The following MROH2A variants were observed in gnomAD, a reference collection of about 807,000 sequenced individuals.
MROH2A encodes maestro heat-like repeat-containing protein family member 2A.
In MROH2A, 174 loss-of-function variants were observed where a neutral mutation model predicts 200.4. The observed-to-expected ratio is 0.87, with a 90% CI of 0.77 to 0.98. MROH2A has a LOEUF of 0.98. MROH2A is among the 50% of genes least tolerant of loss of function. The probability of loss-of-function intolerance (pLI) is 0.00; values close to 1 mark genes in which losing one functional copy is unlikely to be tolerated. For synonymous variants in MROH2A, 829 were observed against 840.4 expected, an observed-to-expected ratio of 0.99 and a Z score of 0.23; for missense variants, 2,045 against 2,139.6, an observed-to-expected ratio of 0.96 and a Z score of 0.87.
chr2:233,804,964 G>T, intron 18 of MROH2A, 40 bp from the exon 19 acceptor site: 1 of 1,237,754 alleles, frequency 8.1e-7, no homozygotes, highest in Non-Finnish European at 1.2e-6. Flanking sequence ...CAAGGATGAA[G>T]GCCTTTGGCC....
In MROH2A at chr2:233,793,767, G is replaced by GA. The variant is rs1262658163; in HGVS notation, c.765_766insA (p.Val256SerfsTer40). The GA allele has an allele frequency of 2.7e-6, 4 of 1,494,992 alleles. No homozygotes were observed. The highest frequency in any genetic ancestry group is 3.6e-6 in the Non-Finnish European group (4 of 1,119,766). 92.6% of individuals were successfully genotyped at this position (1,494,992 alleles called of 1,614,324 possible). ...TGACTGAGGAGGAGTTTGCCCTGAA[G>GA]GTGTTCCCCATGTATCGCTACTTCG... On this transcript the variant is annotated frameshift_variant, in exon 7 of 42. Coordinates refer to ENST00000389758, the MANE Select transcript of MROH2A (RefSeq NM_001394639.1). LOFTEE classifies it high-confidence loss of function.
chr2:233,778,767 G>T (rs1354302968), intron 1 of MROH2A, among the ~76,000 whole-genome samples: 1 of 152,148 alleles, frequency 6.6e-6, no homozygotes, highest in Non-Finnish European at 1.5e-5. Context: ...GGGCGAGAGG[G>T]CTCTATTAAA....
At chr2:233,779,232 G>T (rs1700812039) in intron 1 of MROH2A, 113 bp from the exon 2 acceptor site, 3 of 669,710 alleles carry the variant, frequency 4.5e-6, no homozygotes, top group South Asian at 1.8e-5. Flanking sequence ...GAAGTCACAG[G>T]TTCCACCCAC....
chr2:233,807,560 C>T lies in MROH2A; in HGVS notation c.2172+18C>T. 1 of 1,549,956 alleles carries T rather than the reference C, an allele frequency of 6.5e-7. No individual in the cohort carries two copies. Among genetic ancestry groups the T allele is most frequent in the Non-Finnish European group, 8.7e-7 (1 of 1,146,752 alleles). On this transcript the variant is annotated intron_variant, in intron 20 of 41. Transcript: ENST00000389758. This position sits in a 1 kb window ranked among gnomAD's most constrained non-coding sequence, Gnocchi z 4.3. ...ACAGCGAGGTGAGGGTGCCTGCAGC[C>T]TCCTCCTGTCCACCAGATGCCTCTG... is the stretch of plus-strand genomic sequence containing the variant.
intron 11 of MROH2A, among the ~76,000 whole-genome samples, chr2:233,797,186 T>C (rs189172973): frequency 2.0e-3 from 306 of 152,338 alleles, no homozygotes; most frequent in Non-Finnish European, 2.4e-3. Context: ...TGCTTATTGC[T>C]AGTCTAGGGT....
At chr2:233,795,569 A>C (rs1292447961) in intron 8 of MROH2A, 84 bp from the exon 9 acceptor site, 3 of 1,544,932 alleles carry the variant, frequency 1.9e-6, no homozygotes, top group Non-Finnish European at 2.6e-6. Context: ...TCAGTGGGTC[A>C]GTGGGCCCCT....
chr2:233,823,480 G>A, intron 34 of MROH2A, 76 bp from the exon 35 acceptor site: 1 of 1,498,712 alleles, frequency 6.7e-7, no homozygotes, highest in Non-Finnish European at 9.0e-7. Context: ...CACCGATGTG[G>A]CCCTGCCCAG....
chr2:233,784,299 G>C lies in MROH2A; in HGVS notation c.276+4447G>C, dbSNP rs28899480. The stretch of plus-strand genomic sequence containing the variant: ...CCTTCTTAATTTCTTTATTGAACCA[G>C]TGGTCATCCAGCAATATATTACATA... On this transcript the variant is annotated intron_variant, in intron 3 of 41. Transcript: ENST00000389758. 4.9e-3 allele frequency among the ~76,000 whole-genome samples: 738 copies of C among 152,094 alleles called. 5 individuals are homozygous for C. The highest frequency in any genetic ancestry group is 0.017 in the African/African-American group (699 of 41,456).
chr2:233,829,858 T>G (rs1289726927), intron 38 of MROH2A, 83 bp downstream of exon 38: 1 of 1,216,636 alleles, frequency 8.2e-7, no homozygotes, highest in Non-Finnish European at 1.0e-6. Flanking sequence ...GCTGGCTCGG[T>G]GAGCTGCAAG....
intron 26 of MROH2A, among the ~76,000 whole-genome samples, chr2:233,815,774 C>G (rs1009216416): frequency 7.6e-6 from 1 of 132,260 alleles, no homozygotes; most frequent in Non-Finnish European, 1.8e-5. Flanking sequence ...CAATACTGCA[C>G]TGTCTCGATT....
upstream of MROH2A, among the ~76,000 whole-genome samples, chr2:233,778,044 C>T (rs1449466647): frequency 1.3e-5 from 2 of 152,222 alleles, no homozygotes; most frequent in African/African-American, 4.8e-5. Flanking sequence ...CACACCTCCC[C>T]ACCCAGGGCT....
chr2:233,827,360 G>A (rs1352069237), intron 35 of MROH2A, among the ~76,000 whole-genome samples: 1 of 152,134 alleles, frequency 6.6e-6, no homozygotes, highest in African/African-American at 2.4e-5. Context: ...AGAAAATGAG[G>A]TACATATACA....
At chr2:233,829,565 G>A (rs1704570588) in intron 37 of MROH2A, 55 bp from the exon 38 acceptor site, 3 of 1,354,324 alleles carry the variant, frequency 2.2e-6, no homozygotes, top group African/African-American at 1.5e-5. Flanking sequence ...AATGGCTGGG[G>A]TTTTGCTGGG....
intron 26 of MROH2A, among the ~76,000 whole-genome samples, chr2:233,815,191 A>C (rs954676768): frequency 1.3e-5 from 2 of 152,194 alleles, no homozygotes; most frequent in African/African-American, 4.8e-5. Flanking sequence ...ACAGCTTCAC[A>C]GTCCTTCTTT....
chr2:233,808,234 A>G (rs1170942926), intron 21 of MROH2A, among the ~76,000 whole-genome samples: 1 of 151,968 alleles, frequency 6.6e-6, no homozygotes, highest in East Asian at 1.9e-4. Flanking sequence ...TGGGTGCTTG[A>G]CACTAGGAGC....
chr2:233,819,544 G>A (rs561222190), intron 30 of MROH2A, 75 bp downstream of exon 30: 41 of 1,438,868 alleles, frequency 2.8e-5, no homozygotes, highest in Non-Finnish European at 3.6e-5. Flanking sequence ...AGGGAAGGAC[G>A]AGGGCCTCAC....
rs568413093 is a variant in MROH2A at position 233,793,497 on chromosome 2, C to A, written c.671-176C>A. Among the ~76,000 whole-genome samples the A allele has an allele frequency of 2.6e-5, 4 of 152,296 alleles. No individual in the cohort carries two copies. In the South Asian group the frequency reaches 6.2e-4, roughly 24 times the overall value. ...GACACCCCCGAGTGCTCAGTTCTCA[C>A]ACACACAGGCACGCAGAGTAAAAAT... On this transcript the variant is annotated intron_variant, in intron 6 of 41. Coordinates refer to ENST00000389758, the MANE Select transcript of MROH2A (RefSeq NM_001394639.1).
intron 14 of MROH2A, 72 bp from the exon 15 acceptor site, chr2:233,802,096 C>G: frequency 6.9e-7 from 1 of 1,457,692 alleles, no homozygotes; most frequent in Non-Finnish European, 9.2e-7. Context: ...CATGGCAGAG[C>G]CTGACTGTTC....
rs116198011 is a variant in MROH2A at position 233,804,180 on chromosome 2, C to T, written c.1879C>T (p.Arg627Trp). ...MWELEIALLV[R>W]YLEEHTEFTW... is the part of the protein sequence containing the mutation. ...GGAGCTGGAGATTGCGCTACTGGTC[C>T]GGTACCTGGAAGGTGAGGTTCCTGG... The change falls in exon 17 of 42, where the codon CGG becomes TGG. Residue 627 changes from arginine (R) to tryptophan (W), a missense_variant. Physicochemically the swap from Arg to Trp is moderately radical, Grantham distance 101. Transcript: ENST00000389758. 192 of 1,550,526 alleles carry T rather than the reference C, an allele frequency of 1.2e-4. 1 individual carries two copies. In the African/African-American group the frequency reaches 1.4e-3, roughly 11 times the overall value.
Sources: gnomAD v4.1 joint callset for allele counts (sites outside exome capture counted in the v4.1 genomes callset) on GRCh38, gnomAD v4.1.1 for gene constraint, Gnocchi (gnomAD v3.1) non-coding constraint, MANE v1.5 for transcripts, NCBI Gene and HGNC (gene_info 2026-07-23, HGNC 2026-07-21) for gene names.